CPT1C: variants seen among roughly 807,000 people sequenced by gnomAD.
The protein encoded by CPT1C is palmitoyl thioesterase CPT1C.
Under a neutral mutation model 97.3 loss-of-function variants are expected in CPT1C, and 61 were observed. The ratio of observed to expected loss-of-function variants is 0.63; its 90% CI spans 0.51 to 0.78. The LOEUF (loss-of-function observed/expected upper bound fraction) is 0.78. Among genes scored for constraint, CPT1C ranks in the 30% least tolerant of loss-of-function variants. The probability of loss-of-function intolerance (pLI) is 0.00; values close to 1 mark genes in which losing one functional copy is unlikely to be tolerated. For synonymous variants in CPT1C, 469 were observed against 447.2 expected, an observed-to-expected ratio of 1.05 and a Z score of -0.61; for missense variants, 975 against 1,065.5, an observed-to-expected ratio of 0.92 and a Z score of 1.18.
At chr19:49,712,901 C>A (rs1227800157) in intron 18 of CPT1C, 52 bp downstream of exon 18, 1 of 1,587,408 alleles carries the variant, frequency 6.3e-7, no homozygotes, top group Non-Finnish European at 8.7e-7. Flanking sequence ...GGCTGGGGGG[C>A]CTGCACTCCT....
chr19:49,701,534 A>G lies in CPT1C; in HGVS notation c.593A>G (p.Asp198Gly), dbSNP rs771361316. Residue 198 changes from aspartate to glycine, a missense_variant, in exon 7 of 20, where the codon GAC becomes GGC. Physicochemically the swap from Asp to Gly is moderately conservative, Grantham distance 94. Transcript: ENST00000598293. ...GTCCGGCCCATCCTCTCCGACGAGG[A>G]CTTCGACTGGACCGCGGTCCTGGCG... ...ESVRPILSDE[D>G]FDWTAVLAQE... The G allele has an allele frequency of 1.2e-6, 2 of 1,611,678 alleles. No homozygotes were observed. Among genetic ancestry groups the G allele is most frequent in the Non-Finnish European group, 1.7e-6 (2 of 1,178,758 alleles).
In CPT1C at chr19:49,704,701, C is replaced by T. The variant is rs769337623; in HGVS notation, c.694-9C>T. ...CCCCTCACTGTGTGTCTCCCCACCC[C>T]GCTCCCAGGTCAGTGACTGGTGGGA... On this transcript the variant is annotated splice_polypyrimidine_tract_variant and intron_variant, in intron 7 of 19. Transcript: ENST00000598293. The T allele has an allele frequency of 1.7e-5, 28 of 1,612,958 alleles. No individual in the cohort carries two copies. The highest frequency in any genetic ancestry group is 1.6e-4 in the East Asian group (7 of 44,860).
chr19:49,694,084 TAAAAAATAAATAAATA>T (rs1216421540), intron 3 of CPT1C, among the ~76,000 whole-genome samples: 12 of 136,846 alleles, frequency 8.8e-5, no homozygotes, highest in East Asian at 4.2e-4. Context: ...TAAAATAAAA[TAAAAAATAAATAAATA>T]AATAAATAAA....
chr19:49,702,747 TGGGAG>T (rs1278759886), intron 7 of CPT1C, among the ~76,000 whole-genome samples: 44 of 149,694 alleles, frequency 2.9e-4, no homozygotes, highest in Admixed American at 2.5e-3. Flanking sequence ...TAGGGAGCCA[TGGGAG>T]GGTTTGGAGC....
Position 49,713,628 on chromosome 19 carries a change from C to T in CPT1C, c.*23C>T. ...TGACTCCTTCCAGCAGGCAGCTGGCCTCTCCAAGGAATAAGGGTGAAATTG... is the reference window on the plus strand; with the variant it reads ...TGACTCCTTCCAGCAGGCAGCTGGCTTCTCCAAGGAATAAGGGTGAAATTG... On this transcript the variant is annotated 3_prime_UTR_variant, in exon 20 of 20. Transcript: ENST00000598293. The T allele has an allele frequency of 6.3e-7, 1 of 1,592,804 alleles. No individual in the cohort carries two copies. Among genetic ancestry groups the T allele is most frequent in the Non-Finnish European group, 8.6e-7 (1 of 1,169,404 alleles).
chr19:49,710,235 C>A (rs2083772464), intron 14 of CPT1C, 85 bp from the exon 15 acceptor site: 1 of 1,339,950 alleles, frequency 7.5e-7, no homozygotes, highest in Non-Finnish European at 1.1e-6. Context: ...ACTCCACATC[C>A]ACCTCCGCTT....
At chr19:49,693,555 A>G (rs74355330) in intron 3 of CPT1C, among the ~76,000 whole-genome samples, 3,777 of 152,228 alleles carry the variant, frequency 0.025, 145 homozygotes, top group African/African-American at 0.082. Context: ...TTCTTCATTC[A>G]TTCACCATAT....
rs564547303 is a variant in CPT1C at position 49,705,840 on chromosome 19, T to C, written c.965-69T>C. 19 of 1,398,636 alleles carry C rather than the reference T, an allele frequency of 1.4e-5. No homozygotes were observed. In the South Asian group the frequency reaches 1.6e-4, roughly 11 times the overall value. The allele number at this position is 1,398,636 out of a possible 1,614,324, so 86.6% of individuals were successfully genotyped here. A position where few individuals can be genotyped will look rare whatever the true frequency, so the allele number is the denominator to read the frequency against. On this transcript the variant is annotated intron_variant, in intron 10 of 19. Coordinates refer to ENST00000598293, the MANE Select transcript of CPT1C (RefSeq NM_001199753.2). Reference sequence around the variant, plus strand: ...CAACTGACGACACCTAAGAAGTATATAATAAATGGTCACTATTTTTATGTG... The same window carrying C: ...CAACTGACGACACCTAAGAAGTATACAATAAATGGTCACTATTTTTATGTG...
chr19:49,702,397 C>T (rs1385882042), intron 7 of CPT1C, among the ~76,000 whole-genome samples: 2 of 150,650 alleles, frequency 1.3e-5, no homozygotes, highest in Admixed American at 1.3e-4. Flanking sequence ...GCAGGCGGAT[C>T]ACGTGAGGTC....
Position 49,713,053 on chromosome 19 carries a change from A to C in CPT1C, c.2215A>C (p.Ser739Arg). ...CTTCCACATCTCCAGCAAAAAATCA[A>C]GCACAAAAACGGTGAGACAAACGTG... ...ITFHISSKKSSTKTDSHRLGQ... is the reference protein window; with the variant it reads ...ITFHISSKKSRTKTDSHRLGQ... The change falls in exon 19 of 20, where the codon AGC becomes CGC. Residue 739 changes from serine (S) to arginine (R), a missense_variant. Coordinates refer to ENST00000598293, the MANE Select transcript of CPT1C (RefSeq NM_001199753.2). 1 of 1,613,888 alleles carries C rather than the reference A, an allele frequency of 6.2e-7. No homozygotes were observed. The highest frequency in any genetic ancestry group is 8.5e-7 in the Non-Finnish European group (1 of 1,179,800).
intron 7 of CPT1C, among the ~76,000 whole-genome samples, chr19:49,703,516 T>TTCTTTCTC (rs1422692222): frequency 6.9e-6 from 1 of 145,366 alleles, no homozygotes; most frequent in Admixed American, 6.9e-5. Context: ...CTTTCTTTCT[T>TTCTTTCTC]TCTCTATCTT....
intron 16 of CPT1C, 145 bp from the exon 17 acceptor site, chr19:49,711,664 C>G (rs929653106): frequency 3.1e-5 from 26 of 834,722 alleles, no homozygotes; most frequent in Non-Finnish European, 4.8e-5. Context: ...CCTCTCTAAG[C>G]CTCAGTTCCC....
intron 3 of CPT1C, among the ~76,000 whole-genome samples, chr19:49,694,645 A>T (rs1202381759): frequency 2.0e-5 from 3 of 150,584 alleles, no homozygotes; most frequent in African/African-American, 7.3e-5. Flanking sequence ...AAAAAAAAAA[A>T]AGGGGGTGGG....
intron 5 of CPT1C, 76 bp downstream of exon 5, chr19:49,700,931 C>T (rs1047632916): frequency 6.7e-7 from 1 of 1,502,960 alleles, no homozygotes. Context: ...GGTCTCTGTC[C>T]CCCTCTCTCT....
At chr19:49,699,413 C>A (rs1053591421) in intron 4 of CPT1C, among the ~76,000 whole-genome samples, 2 of 119,126 alleles carry the variant, frequency 1.7e-5, no homozygotes, top group African/African-American at 6.4e-5. Context: ...GGCTTGAGCT[C>A]AGGAGTTGGA....
chr19:49,702,433 C>T (rs1600092688), intron 7 of CPT1C, among the ~76,000 whole-genome samples: 1 of 150,890 alleles, frequency 6.6e-6, no homozygotes, highest in Non-Finnish European at 1.5e-5. Context: ...GCCTGGCCAA[C>T]ATGGTGAAAC....
rs2082976361 is a variant in CPT1C at position 49,700,843 on chromosome 19, C to G, written c.441C>G (p.Thr147=). The change falls in exon 5 of 20, where the codon ACC becomes ACG. Residue 147 remains threonine, a synonymous_variant. Transcript: ENST00000598293. ...LEPHGAMSSP[T]KTWLALVRIF... ...CCCACGGAGCCATGTCCTCCCCCAC[C>G]AAGACCTGGCTGGTATGGGAGGGGC... 1.2e-6 allele frequency: 2 copies of G among 1,612,634 alleles called. No individual in the cohort carries two copies. Among genetic ancestry groups the G allele is most frequent in the Non-Finnish European group, 1.7e-6 (2 of 1,180,012 alleles).
At chr19:49,692,733 G>A (rs1313676202) in intron 3 of CPT1C, among the ~76,000 whole-genome samples, 2 of 152,092 alleles carry the variant, frequency 1.3e-5, no homozygotes, top group Admixed American at 1.3e-4. Flanking sequence ...TTCTTTTGTA[G>A]TTGTTGTTTC....
rs2083328250 is a variant in CPT1C at position 49,703,590 on chromosome 19, TCCCTC to T, written c.694-1117_694-1113del. Among the ~76,000 whole-genome samples the T allele has an allele frequency of 1.3e-3, 71 of 55,870 alleles. 1 individual carries two copies. Among genetic ancestry groups the T allele is most frequent in the South Asian group, 0.012 (16 of 1,282 alleles). The allele number at this position is 55,870 out of a possible 152,430, so 36.7% of individuals were successfully genotyped here. A position where few individuals can be genotyped will look rare whatever the true frequency, so the allele number is the denominator to read the frequency against. On this transcript the variant is annotated intron_variant, in intron 7 of 19. Transcript: ENST00000598293. ...CTCCCTCCCTCCCTCCCTCCCTCCCTCCCTCCCTTCCTTCCTTCCTTCCTTCCTTC... is the reference window on the plus strand; with the variant it reads ...CTCCCTCCCTCCCTCCCTCCCTCCCTCCTTCCTTCCTTCCTTCCTTCCTTC...
Sources: allele counts gnomAD v4.1 joint callset (sites outside exome capture counted in the v4.1 genomes callset), GRCh38; gene constraint gnomAD v4.1.1; transcripts MANE v1.5; gene names NCBI Gene and HGNC (gene_info 2026-07-23, HGNC 2026-07-21).